BRINP2: variants seen among roughly 807,000 people sequenced by gnomAD.
The protein encoded by BRINP2 is BMP/retinoic acid-inducible neural-specific protein 2.
Under a neutral mutation model 69.2 loss-of-function variants are expected in BRINP2, and 21 were observed. The observed-to-expected ratio is 0.30, with a 90% CI of 0.22 to 0.44. The LOEUF is 0.44. Among genes scored for constraint, BRINP2 ranks in the 20% least tolerant of loss-of-function variants. BRINP2 has a pLI of 1.00. For missense variants in BRINP2, 877 were observed against 986.0 expected, an observed-to-expected ratio of 0.89 and a Z score of 1.48; for synonymous variants, 380 against 394.1, an observed-to-expected ratio of 0.96 and a Z score of 0.42.
intron 3 of BRINP2, chr1:177,256,517 C>T (rs967188834): frequency 5.1e-6 from 5 of 985,250 alleles, no homozygotes; most frequent in Non-Finnish European, 6.0e-6. Context: ...CTCTCTATAA[C>T]GATTGGAAAC....
At chr1:177,185,528 G>A (rs547775014) in intron 1 of BRINP2, among the ~76,000 whole-genome samples, 1 of 152,264 alleles carries the variant, frequency 6.6e-6, no homozygotes, top group South Asian at 2.1e-4. Flanking sequence ...CTAACCATGT[G>A]GGATATCTTA....
At position 177,256,067 on chromosome 1, in the gene BRINP2, A is replaced by G. The variant is rs1383488353; in HGVS notation, c.418A>G (p.Lys140Glu). ...NLQQVTENLI[K>E]KYGTHFLLSA... ...GCAACAGGTTACAGAAAATCTGATT[A>G]AAAAGTACGGCACTCATTTCTTACT... Residue 140 changes from lysine to glutamate, a missense_variant, in exon 3 of 8, where the codon AAA becomes GAA. By Grantham distance (56) the Lys-to-Glu change is moderately conservative (BLOSUM62 1). Transcript: ENST00000361539. 2 of 1,614,092 alleles carry G rather than the reference A, an allele frequency of 1.2e-6. No individual in the cohort carries two copies. The highest frequency in any genetic ancestry group is 2.7e-5 in the African/African-American group (2 of 74,940).
At chr1:177,198,009 G>A (rs547581812) in intron 1 of BRINP2, among the ~76,000 whole-genome samples, 14 of 152,286 alleles carry the variant, frequency 9.2e-5, no homozygotes, top group Admixed American at 5.2e-4. Flanking sequence ...AGAAAAAGAT[G>A]GATATGAATA....
chr1:177,226,168 GGGTGACTACACC>G (rs1649683935), intron 1 of BRINP2, among the ~76,000 whole-genome samples: 1 of 152,180 alleles, frequency 6.6e-6, no homozygotes, highest in South Asian at 2.1e-4. Context: ...CTAGGTGAGG[GGGTGACTACACC>G]ACCATATTGC....
intron 1 of BRINP2, among the ~76,000 whole-genome samples, chr1:177,205,226 C>T (rs1649038987): frequency 6.6e-6 from 1 of 152,040 alleles, no homozygotes; most frequent in Admixed American, 6.5e-5. Context: ...TCACAATCTC[C>T]ACCTCCTGGG....
chr1:177,240,096 G>A (rs1048843988), intron 2 of BRINP2, among the ~76,000 whole-genome samples: 2 of 152,170 alleles, frequency 1.3e-5, no homozygotes, highest in African/African-American at 4.8e-5. Flanking sequence ...TCTTTGTTAT[G>A]AGCCCCAGTG....
At chr1:177,206,929 C>G (rs1273212212) in intron 1 of BRINP2, among the ~76,000 whole-genome samples, 1 of 151,996 alleles carries the variant, frequency 6.6e-6, no homozygotes, top group African/African-American at 2.4e-5. Flanking sequence ...AACATACAGC[C>G]CCAGAGCAAT....
chr1:177,206,258 T>C (rs1245038822), intron 1 of BRINP2, among the ~76,000 whole-genome samples: 3 of 152,210 alleles, frequency 2.0e-5, no homozygotes, highest in Admixed American at 2.0e-4. Flanking sequence ...GACCCAGAGT[T>C]AGAGCCACCC....
At chr1:177,214,159 C>CTA (rs1396171352) in intron 1 of BRINP2, among the ~76,000 whole-genome samples, 1 of 152,110 alleles carries the variant, frequency 6.6e-6, no homozygotes, top group Non-Finnish European at 1.5e-5. Flanking sequence ...AGGCCGGGTG[C>CTA]GGTAGCTCAT....
chr1:177,262,593 G>A (rs1650993475), intron 4 of BRINP2, among the ~76,000 whole-genome samples: 1 of 151,952 alleles, frequency 6.6e-6, no homozygotes, highest in Non-Finnish European at 1.5e-5. Context: ...CAAAGAGGTT[G>A]TTCTTACCCA....
At chr1:177,214,227 T>A (rs1266880375) in intron 1 of BRINP2, among the ~76,000 whole-genome samples, 3 of 151,958 alleles carry the variant, frequency 2.0e-5, no homozygotes, top group African/African-American at 7.3e-5. Context: ...AGGTTAGGAG[T>A]TCGAGACCAG....
chr1:177,237,450 A>G (rs760805664), intron 2 of BRINP2, among the ~76,000 whole-genome samples: 12 of 152,222 alleles, frequency 7.9e-5, no homozygotes, highest in African/African-American at 1.4e-4. Flanking sequence ...CTGTGTCAGA[A>G]TGAATTCTTA....
intron 5 of BRINP2, among the ~76,000 whole-genome samples, chr1:177,274,317 A>G (rs1442895953): frequency 3.9e-5 from 6 of 152,210 alleles, no homozygotes. Flanking sequence ...TTCAGTGGGA[A>G]AACTTTATTT....
chr1:177,281,034 G>T lies in BRINP2; in HGVS notation c.1858G>T (p.Ala620Ser). The T allele has an allele frequency of 6.2e-7, 1 of 1,614,218 alleles. No individual in the cohort carries two copies. The highest frequency in any genetic ancestry group is 8.5e-7 in the Non-Finnish European group (1 of 1,180,036). Residue 620 changes from alanine (A) to serine (S), a missense_variant, in exon 8 of 8, where the codon GCA becomes TCA. Ala to Ser is a moderately conservative substitution (Grantham distance 99). Coordinates refer to ENST00000361539, the MANE Select transcript of BRINP2 (RefSeq NM_021165.4). ...TGACTGGGAAAGGACTAACGTGGAT[G>T]CAGCTGCCCAGTGCCAAAACTGGAC... ...FPDWERTNVD[A>S]AAQCQNWTIT...
chr1:177,270,072 G>A (rs1651254609), intron 4 of BRINP2, among the ~76,000 whole-genome samples: 1 of 115,120 alleles, frequency 8.7e-6, no homozygotes, highest in African/African-American at 2.9e-5. Context: ...CCTCACTTTG[G>A]GGCAAGGGGT....
intron 2 of BRINP2, among the ~76,000 whole-genome samples, chr1:177,238,140 G>A (rs1650086363): frequency 2.0e-5 from 3 of 152,196 alleles, no homozygotes; most frequent in African/African-American, 7.2e-5. Flanking sequence ...CAGAGCCCAG[G>A]CCTCAGAGAG....
chr1:177,246,051 A>T (rs1650366232), intron 2 of BRINP2, among the ~76,000 whole-genome samples: 1 of 152,196 alleles, frequency 6.6e-6, no homozygotes, highest in Non-Finnish European at 1.5e-5. Flanking sequence ...GGCTTCTTGA[A>T]TTCTCCCAGA....
rs145586241 is a variant in BRINP2, at chr1:177,240,175, C to T, written c.269+10030C>T. Among the ~76,000 whole-genome samples the T allele has an allele frequency of 1.9e-3, 293 of 152,272 alleles. 1 individual carries two copies. Among genetic ancestry groups the T allele is most frequent in the Middle Eastern group, 0.01 (3 of 294 alleles). ...GCCTCACTTGGGGACACACTGGTGA[C>T]GAAGGAGGGATAGGAAGAAAGTCTC... On this transcript the variant is annotated intron_variant, in intron 2 of 7. Transcript: ENST00000361539.
intron 2 of BRINP2, among the ~76,000 whole-genome samples, chr1:177,230,583 T>C (rs1269109611): frequency 6.6e-6 from 1 of 152,188 alleles, no homozygotes; most frequent in Non-Finnish European, 1.5e-5. Context: ...GCTCCTGCCT[T>C]AGAGGTCTGG....
Sources: allele counts gnomAD v4.1 joint callset (sites outside exome capture counted in the v4.1 genomes callset), GRCh38; gene constraint gnomAD v4.1.1; transcripts MANE v1.5; gene names NCBI Gene and HGNC (gene_info 2026-07-23, HGNC 2026-07-21).